DIAPH2: variants seen among roughly 807,000 people sequenced by gnomAD.
DIAPH2 encodes the protein protein diaphanous homolog 2.
DIAPH2 carries 35 observed loss-of-function variants against 92.7 expected under a neutral mutation model. The observed-to-expected ratio is 0.38, with a 90% CI of 0.29 to 0.50. The LOEUF (loss-of-function observed/expected upper bound fraction) is 0.50, where lower values mean the gene tolerates loss of function less well. Ranked by LOEUF, DIAPH2 falls within the 20% of genes least tolerant of loss-of-function variation. The probability of loss-of-function intolerance (pLI) is 0.94; values close to 1 mark genes in which losing one functional copy is unlikely to be tolerated. For synonymous variants in DIAPH2, 301 were observed against 280.4 expected (o/e 1.07, Z -0.73); for missense variants, 701 against 819.5 (o/e 0.86, Z 1.77).
intron 22 of DIAPH2, among the ~76,000 whole-genome samples, chrX:97,181,411 T>C (rs5920816): frequency 0.031 from 3,377 of 110,432 alleles, 47 homozygotes; most frequent in Middle Eastern, 0.042. Flanking sequence ...GTTGTTGTTG[T>C]TGTTGTTTTG....
At chrX:97,565,400 G>A (rs1186606620) in intron 26 of DIAPH2, among the ~76,000 whole-genome samples, 1 of 112,151 alleles carries the variant, frequency 8.9e-6, no homozygotes, top group African/African-American at 3.2e-5. Context: ...ATTGTTGTGA[G>A]CTAAGTGAGC....
At chrX:96,968,489 G>T (rs1030903912) in intron 17 of DIAPH2, among the ~76,000 whole-genome samples, 1 of 111,745 alleles carries the variant, frequency 8.9e-6, no homozygotes, top group Admixed American at 9.5e-5. Context: ...AAAGTGCTGG[G>T]ATTACAGGCA....
intron 4 of DIAPH2, among the ~76,000 whole-genome samples, chrX:96,810,273 G>A (rs1286509445): frequency 2.7e-5 from 3 of 112,338 alleles, no homozygotes; most frequent in Non-Finnish European, 5.6e-5. Flanking sequence ...GACCAGTGAT[G>A]ATGAGCATTT....
At chrX:96,912,252 A>G in intron 5 of DIAPH2, 76 bp from the exon 6 acceptor site, 1 of 827,803 alleles carries the variant, frequency 1.2e-6, no homozygotes, top group Non-Finnish European at 1.7e-6. Flanking sequence ...TTTGAAAATT[A>G]AAATTTTATT....
At chrX:97,178,305 A>C (rs903984840) in intron 22 of DIAPH2, among the ~76,000 whole-genome samples, 1 of 110,780 alleles carries the variant, frequency 9.0e-6, no homozygotes, top group African/African-American at 3.3e-5. Context: ...AAACGGTATT[A>C]GCGTTTTAAG....
rs185685283 is a variant in DIAPH2, at chrX:97,348,395, T to A, written c.3009+115T>A. The A allele has an allele frequency of 2.3e-4, 152 of 657,755 alleles. No homozygotes were observed. The African/African-American group carries it at 3.0e-3, about 13-fold the overall frequency. 54.2% of individuals were successfully genotyped at this position (657,755 alleles called of 1,213,427 possible). ...ATATTGATTTCATGTGACATTTTTT[T>A]AATAAGAATTGACAGATATTTTATA... is the stretch of plus-strand genomic sequence containing the variant. On this transcript the variant is annotated intron_variant, in intron 24 of 26. Coordinates refer to ENST00000324765, the MANE Select transcript of DIAPH2 (RefSeq NM_006729.5).
At chrX:97,597,630 A>G (rs1014440125) in intron 26 of DIAPH2, among the ~76,000 whole-genome samples, 1 of 112,023 alleles carries the variant, frequency 8.9e-6, no homozygotes, top group East Asian at 2.8e-4. Context: ...GAATACTTTC[A>G]TGCTAGCAAT....
rs1158519353 is a variant in DIAPH2, at chrX:97,227,183, G to T, written c.2720-20532G>T. On this transcript the variant is annotated intron_variant, in intron 22 of 26. Coordinates refer to ENST00000324765, the MANE Select transcript of DIAPH2 (RefSeq NM_006729.5). The stretch of plus-strand genomic sequence containing the variant: ...CCAGCTACTCGGGAGGCTGAGGCAG[G>T]AGAATTGCTTGAGCCGGGAGGCAGA... 2.7e-5 allele frequency among the ~76,000 whole-genome samples: 3 copies of T among 110,981 alleles called. No homozygotes were observed. In the Admixed American group the frequency reaches 2.9e-4, roughly 11 times the overall value.
chrX:97,453,515 A>G (rs1165168806), intron 26 of DIAPH2, among the ~76,000 whole-genome samples: 2 of 111,255 alleles, frequency 1.8e-5, no homozygotes, highest in South Asian at 3.8e-4. Flanking sequence ...CTATATTTAC[A>G]TTCTTTGAAC....
At chrX:96,905,729 C>G (rs1040081302) in intron 5 of DIAPH2, among the ~76,000 whole-genome samples, 1 of 111,828 alleles carries the variant, frequency 8.9e-6, no homozygotes, top group Non-Finnish European at 1.9e-5. Context: ...ACTAAAAATT[C>G]TCTCCCCCTC....
At chrX:96,794,118 C>T (rs2064521253) in intron 4 of DIAPH2, among the ~76,000 whole-genome samples, 1 of 111,550 alleles carries the variant, frequency 9.0e-6, no homozygotes, top group African/African-American at 3.3e-5. Context: ...TCATAGATGG[C>T]ACCATCTTAC....
intron 5 of DIAPH2, among the ~76,000 whole-genome samples, chrX:96,893,973 C>T (rs1478383151): frequency 8.9e-6 from 1 of 112,312 alleles, no homozygotes; most frequent in African/African-American, 3.2e-5. Context: ...TAGCCTCTCA[C>T]ACCAGGCAGT....
At chrX:96,813,318 G>T (rs2064701666) in intron 4 of DIAPH2, among the ~76,000 whole-genome samples, 1 of 108,678 alleles carries the variant, frequency 9.2e-6, no homozygotes, top group Non-Finnish European at 1.9e-5. Flanking sequence ...TTTAAAGTCT[G>T]TTTTATCAGA....
intron 17 of DIAPH2, among the ~76,000 whole-genome samples, chrX:97,004,521 CAG>C (rs1355172317): frequency 2.7e-5 from 3 of 111,148 alleles, no homozygotes; most frequent in African/African-American, 9.9e-5. Context: ...AGAGATCTTT[CAG>C]TTCATTGGTT....
chrX:96,699,235 A>G (rs1293599162), intron 1 of DIAPH2, among the ~76,000 whole-genome samples: 1 of 112,239 alleles, frequency 8.9e-6, no homozygotes, highest in Non-Finnish European at 1.9e-5. Flanking sequence ...TTACAAATTC[A>G]TATTTTCTCT....
intron 12 of DIAPH2, among the ~76,000 whole-genome samples, chrX:96,941,224 A>G (rs1260563000): frequency 8.9e-6 from 1 of 112,006 alleles, no homozygotes; most frequent in South Asian, 3.7e-4. Flanking sequence ...TAATTTGTCT[A>G]TAGTCGTACT....
chrX:96,807,982 A>AAAAAAAAAAAAC (rs2064642934), intron 4 of DIAPH2, among the ~76,000 whole-genome samples: 1 of 66,903 alleles, frequency 1.5e-5, no homozygotes, highest in Non-Finnish European at 2.8e-5. Flanking sequence ...AAAAAAAAAA[A>AAAAAAAAAAAAC]AGTCTCCTTG....
intron 4 of DIAPH2, among the ~76,000 whole-genome samples, chrX:96,873,877 C>G (rs754198502): frequency 9.0e-6 from 1 of 110,908 alleles, no homozygotes; most frequent in South Asian, 3.8e-4. Flanking sequence ...TTTCTTAGAA[C>G]TGCATGCATA....
intron 23 of DIAPH2, among the ~76,000 whole-genome samples, chrX:97,303,816 C>T (rs2068725453): frequency 9.0e-6 from 1 of 111,235 alleles, no homozygotes; most frequent in South Asian, 3.8e-4. Context: ...CTTATTTAGC[C>T]ATGGGGTGTG....
Sources: allele counts gnomAD v4.1 joint callset (sites outside exome capture counted in the v4.1 genomes callset), GRCh38; gene constraint gnomAD v4.1.1; transcripts MANE v1.5; gene names NCBI Gene and HGNC (gene_info 2026-07-23, HGNC 2026-07-21).